ATP8A1: variants seen among roughly 807,000 people sequenced by gnomAD.
ATP8A1 encodes the protein phospholipid-transporting ATPase IA.
ATP8A1 carries 90 observed loss-of-function variants against 177.7 expected under a neutral mutation model. The observed-to-expected ratio is 0.51, with a 90% CI of 0.43 to 0.60. ATP8A1 has a LOEUF of 0.60. Ranked by LOEUF, ATP8A1 falls within the 20% of genes least tolerant of loss-of-function variation. The pLI is 0.00. For missense variants in ATP8A1, 1,072 were observed against 1,392.8 expected (o/e 0.77, Z 3.67); for synonymous variants, 493 against 485.9 (o/e 1.01, Z -0.19).
At chr4:42,647,151 G>A (rs906979371) in intron 1 of ATP8A1, among the ~76,000 whole-genome samples, 1 of 152,186 alleles carries the variant, frequency 6.6e-6, no homozygotes, top group African/African-American at 2.4e-5. Context: ...TATAATGTGT[G>A]AAGTTTTATA....
chr4:42,564,573 T>C (rs11737008), intron 15 of ATP8A1, among the ~76,000 whole-genome samples: 136,054 of 152,216 alleles, frequency 0.89, 61,142 homozygotes, highest in East Asian at 0.97. Flanking sequence ...GGCCTGTAGC[T>C]CCTTTGTTTT....
chr4:42,598,147 T>A (rs1408204213), intron 6 of ATP8A1, among the ~76,000 whole-genome samples: 1 of 149,798 alleles, frequency 6.7e-6, no homozygotes, highest in African/African-American at 2.6e-5. Context: ...AGGCCTTTAT[T>A]CTATTTGTAC....
chr4:42,506,890 A>G, intron 23 of ATP8A1, 126 bp downstream of exon 23: 2 of 1,165,430 alleles, frequency 1.7e-6, no homozygotes, highest in Non-Finnish European at 2.4e-6. Context: ...TGGTGAAAAA[A>G]GATTGGAATA....
chr4:42,463,758 C>A (rs914697737), intron 27 of ATP8A1, among the ~76,000 whole-genome samples: 3 of 152,182 alleles, frequency 2.0e-5, no homozygotes, highest in Admixed American at 6.5e-5. Context: ...CCCTTGCTAT[C>A]CAGACAGAAA....
In ATP8A1 at chr4:42,411,646, A is replaced by G. The variant is rs548582554; in HGVS notation, c.*1270T>C. On this transcript the variant is annotated 3_prime_UTR_variant, in exon 37 of 37. Coordinates refer to ENST00000381668, the MANE Select transcript of ATP8A1 (RefSeq NM_006095.2). ...CTGAAAATAATTGAACTGAAGATAC[A>G]TTTTAAAACATACTAACAAAAGCTA... 8 of 152,338 alleles carry G rather than the reference A, an allele frequency of 5.3e-5. No homozygotes were observed. In the South Asian group the frequency reaches 1.7e-3, roughly 32 times the overall value. 9.4% of individuals were successfully genotyped at this position (152,338 alleles called of 1,614,324 possible). A position where few individuals can be genotyped will look rare whatever the true frequency, so the allele number is the denominator to read the frequency against.
intron 7 of ATP8A1, 171 bp from the exon 8 acceptor site, chr4:42,588,500 T>C (rs541096838): frequency 9.2e-6 from 5 of 546,422 alleles, no homozygotes; most frequent in African/African-American, 1.9e-5. Flanking sequence ...GCAGAACCCA[T>C]GCATGACAAC....
intron 12 of ATP8A1, 91 bp downstream of exon 12, chr4:42,578,169 T>C (rs1577629784): frequency 2.4e-6 from 3 of 1,246,828 alleles, no homozygotes; most frequent in East Asian, 2.7e-5. Context: ...AAACGGTAGA[T>C]ATAATTAAAA....
At chr4:42,588,576 T>C (rs2109361885) in intron 7 of ATP8A1, 1 of 375,008 alleles carries the variant, frequency 2.7e-6, no homozygotes, top group East Asian at 4.9e-5. Flanking sequence ...AGTAATGGTC[T>C]TCAAGATAAT....
At chr4:42,475,582 G>T (rs1345468327) in intron 25 of ATP8A1, among the ~76,000 whole-genome samples, 1 of 151,140 alleles carries the variant, frequency 6.6e-6, no homozygotes, top group Non-Finnish European at 1.5e-5. Context: ...ATACTGTCAG[G>T]CAAAATATAT....
intron 17 of ATP8A1, 76 bp from the exon 18 acceptor site, chr4:42,551,356 G>A: frequency 1.0e-6 from 1 of 987,166 alleles, no homozygotes; most frequent in Non-Finnish European, 1.6e-6. Context: ...AGTACATTAA[G>A]GTAATATAAT....
At chr4:42,449,934 T>C (rs182821955) in intron 30 of ATP8A1, among the ~76,000 whole-genome samples, 1 of 152,368 alleles carries the variant, frequency 6.6e-6, no homozygotes, top group Non-Finnish European at 1.5e-5. Flanking sequence ...ATTTCTTTTT[T>C]TCTAATTTAG....
Position 42,593,856 on chromosome 4 carries a change from T to C in ATP8A1, c.451-2972A>G, listed in dbSNP as rs550298965. On this transcript the variant is annotated intron_variant, in intron 6 of 36. Transcript: ENST00000381668. ...GAGTATGGCATTTCAAAAGGCATAA[T>C]GGCAAAAAGAATCATTCATCCATTT... Among the ~76,000 whole-genome samples the C allele has an allele frequency of 6.6e-5, 10 of 152,080 alleles. No homozygotes were observed. The South Asian group carries it at 8.3e-4, about 13-fold the overall frequency.
intron 1 of ATP8A1, among the ~76,000 whole-genome samples, chr4:42,635,819 ATG>A (rs1739280704): frequency 7.5e-6 from 1 of 134,144 alleles, no homozygotes; most frequent in African/African-American, 2.7e-5. Flanking sequence ...ATACACATGT[ATG>A]TATGTATGTA....
chr4:42,547,685 A>G (rs1729067963), intron 19 of ATP8A1, among the ~76,000 whole-genome samples: 1 of 152,204 alleles, frequency 6.6e-6, no homozygotes, highest in Non-Finnish European at 1.5e-5. Context: ...CTGTTTATTC[A>G]ATGTATTCAT....
chr4:42,462,237 G>A (rs184905023), intron 27 of ATP8A1, among the ~76,000 whole-genome samples: 8 of 152,350 alleles, frequency 5.3e-5, no homozygotes, highest in Admixed American at 3.3e-4. Flanking sequence ...TCAAGACAAC[G>A]GGGAAAATGT....
At chr4:42,623,909 A>G (rs1025947137) in intron 4 of ATP8A1, among the ~76,000 whole-genome samples, 4 of 152,148 alleles carry the variant, frequency 2.6e-5, no homozygotes, top group African/African-American at 9.7e-5. Flanking sequence ...AAAGAACAGG[A>G]AAAAAACCAA....
intron 29 of ATP8A1, 117 bp downstream of exon 29, chr4:42,455,180 C>A: frequency 1.5e-6 from 2 of 1,301,576 alleles, no homozygotes; most frequent in Non-Finnish European, 2.1e-6. Flanking sequence ...ATAGTCGGTA[C>A]CCTGGAGTTG....
intron 5 of ATP8A1, among the ~76,000 whole-genome samples, chr4:42,609,911 C>T (rs1736202112): frequency 6.6e-6 from 1 of 152,174 alleles, no homozygotes; most frequent in Admixed American, 6.5e-5. Context: ...ATGACCCTAA[C>T]TTGCCTCCCT....
intron 33 of ATP8A1, among the ~76,000 whole-genome samples, chr4:42,425,032 A>G (rs1035212424): frequency 6.6e-6 from 1 of 152,344 alleles, no homozygotes; most frequent in Middle Eastern, 3.4e-3. Context: ...AAAACCAACA[A>G]TAACTGTGTA....
Sources: allele counts gnomAD v4.1 joint callset (sites outside exome capture counted in the v4.1 genomes callset), GRCh38; gene constraint gnomAD v4.1.1; transcripts MANE v1.5; gene names NCBI Gene and HGNC (gene_info 2026-07-23, HGNC 2026-07-21).